MYO5B: variants seen among roughly 807,000 people sequenced by gnomAD.
The protein encoded by MYO5B is myosin VB.
In MYO5B, 143 loss-of-function variants were observed where a neutral mutation model predicts 229.3. The observed-to-expected ratio is 0.62, with a 90% CI of 0.54 to 0.72. The LOEUF (loss-of-function observed/expected upper bound fraction) is 0.72, where lower values mean the gene tolerates loss of function less well. Ranked by LOEUF, MYO5B falls within the 30% of genes least tolerant of loss-of-function variation. The pLI is 0.00. For synonymous variants in MYO5B, 918 were observed against 885.2 expected, an observed-to-expected ratio of 1.04 and a Z score of -0.66; for missense variants, 2,321 against 2,331.0, an observed-to-expected ratio of 1.00 and a Z score of 0.09.
intron 1 of MYO5B, among the ~76,000 whole-genome samples, chr18:50,112,945 T>C (rs1202681031): frequency 2.0e-5 from 3 of 152,246 alleles, no homozygotes; most frequent in African/African-American, 7.2e-5. Flanking sequence ...CACACAATCC[T>C]GTCACCCACA....
intron 22 of MYO5B, among the ~76,000 whole-genome samples, chr18:49,891,502 G>T (rs2024714603): frequency 6.6e-6 from 1 of 152,180 alleles, no homozygotes; most frequent in Non-Finnish European, 1.5e-5. Context: ...GTAGAACAGG[G>T]TCTAACACAT....
chr18:49,914,550 C>T (rs1025256717), intron 17 of MYO5B, among the ~76,000 whole-genome samples: 1 of 151,964 alleles, frequency 6.6e-6, no homozygotes, highest in African/African-American at 2.4e-5. Context: ...GAGACTGAGG[C>T]GGGTGGATCA....
In MYO5B at chr18:49,902,705, C is replaced by T. The variant is rs1298557783; in HGVS notation, c.2700G>A (p.Arg900=). The change falls in exon 21 of 40, where the codon AGG becomes AGA. Residue 900 remains arginine, a synonymous_variant. Transcript: ENST00000285039. ...CAATCCTGAGGGCCTTCAGCTCCCG[C>T]CTGGCCTTGAGCATCCGGAAGGCAC... is the stretch of plus-strand genomic sequence containing the variant. ...IQCAFRMLKA[R]RELKALRIEA... is the part of the protein sequence containing the mutation. 1 of 1,612,024 alleles carries T rather than the reference C, an allele frequency of 6.2e-7. No individual in the cohort carries two copies. The highest frequency in any genetic ancestry group is 8.5e-7 in the Non-Finnish European group (1 of 1,180,034).
chr18:49,870,351 A>G (rs542302788), intron 27 of MYO5B, among the ~76,000 whole-genome samples: 118 of 152,366 alleles, frequency 7.7e-4, no homozygotes, highest in African/African-American at 2.8e-3. Flanking sequence ...AGAAGAAAAC[A>G]TAGGGCAAAA....
At chr18:50,069,619 G>A (rs1422492093) in intron 1 of MYO5B, among the ~76,000 whole-genome samples, 1 of 152,136 alleles carries the variant, frequency 6.6e-6, no homozygotes, top group African/African-American at 2.4e-5. Flanking sequence ...GAGAGTAATT[G>A]CAGTTTTCAA....
chr18:49,954,569 A>G, intron 12 of MYO5B, 134 bp from the exon 13 acceptor site: 1 of 1,170,930 alleles, frequency 8.5e-7, no homozygotes, highest in Non-Finnish European at 1.3e-6. Flanking sequence ...CCTTAACTGG[A>G]CGGTGCAAAG....
chr18:50,091,185 T>C (rs1168078825), intron 1 of MYO5B, among the ~76,000 whole-genome samples: 2 of 152,030 alleles, frequency 1.3e-5, no homozygotes, highest in Non-Finnish European at 2.9e-5. Context: ...TAAAACAAAG[T>C]CCTCTACTAT....
At chr18:50,153,749 C>T (rs1162988303) in intron 1 of MYO5B, among the ~76,000 whole-genome samples, 1 of 152,178 alleles carries the variant, frequency 6.6e-6, no homozygotes, top group East Asian at 1.9e-4. Context: ...TGTGCCCGGC[C>T]TCACTTTCTT....
In MYO5B at chr18:49,864,481, T is replaced by G. The variant is rs552575369; in HGVS notation, c.3604-101A>C. 921 of 1,525,938 alleles carry G rather than the reference T, an allele frequency of 6.0e-4. 1 individual carries two copies. Among genetic ancestry groups the G allele is most frequent in the Non-Finnish European group, 7.4e-4 (834 of 1,124,860 alleles). 94.5% of individuals were successfully genotyped at this position (1,525,938 alleles called of 1,614,324 possible). Reference sequence around the variant, plus strand: ...CCCTTCTTTTGTCCACTGGGAAACTTCGCTCTTTAAACGTTGACACACATG... The same window carrying G: ...CCCTTCTTTTGTCCACTGGGAAACTGCGCTCTTTAAACGTTGACACACATG... On this transcript the variant is annotated intron_variant, in intron 27 of 39. Coordinates refer to ENST00000285039, the MANE Select transcript of MYO5B (RefSeq NM_001080467.3).
chr18:49,886,356 A>G (rs1411502825), intron 22 of MYO5B, among the ~76,000 whole-genome samples: 2 of 152,178 alleles, frequency 1.3e-5, no homozygotes, highest in Non-Finnish European at 2.9e-5. Flanking sequence ...ATGGGCTTCC[A>G]TGAGTTACAA....
rs747798528 is a variant in MYO5B at position 49,864,318 on chromosome 18, G to A, written c.3666C>T (p.Ala1222=). The A allele has an allele frequency of 3.1e-6, 5 of 1,614,110 alleles. No homozygotes were observed. The highest frequency in any genetic ancestry group is 1.6e-4 in the Middle Eastern group (1 of 6,062). The change falls in exon 28 of 40, where the codon GCC becomes GCT. Residue 1222 remains alanine (A), a synonymous_variant. Transcript: ENST00000285039. ...TATTCTGCGTGGCTTGGTCGGCCACGGCTTTCCTCAGCTCATTCAGGTCAT... is the reference window on the plus strand; with the variant it reads ...TATTCTGCGTGGCTTGGTCGGCCACAGCTTTCCTCAGCTCATTCAGGTCAT... ...LKNDLNELRK[A]VADQATQNNS...
chr18:50,151,960 TG>T (rs2032605791), intron 1 of MYO5B, among the ~76,000 whole-genome samples: 1 of 152,148 alleles, frequency 6.6e-6, no homozygotes, highest in Non-Finnish European at 1.5e-5. Flanking sequence ...GCCTACATCC[TG>T]GGGGAACATC....
chr18:49,861,745 C>T (rs1009688472), intron 29 of MYO5B, among the ~76,000 whole-genome samples: 2 of 152,136 alleles, frequency 1.3e-5, no homozygotes, highest in African/African-American at 2.4e-5. Flanking sequence ...GCTGTTCCAC[C>T]CCCCCGGGCC....
Position 49,980,557 on chromosome 18 carries a change from G to GA in MYO5B, c.947-5dup, listed in dbSNP as rs760299289. On this transcript the variant is annotated splice_region_variant and splice_polypyrimidine_tract_variant and intron_variant, in intron 8 of 39. Transcript: ENST00000285039. ...ATCTGATGGGACTCTTTCACTCCTG[G>GA]AAAAGAAAAATGAATGGATGACACT... 7 of 1,592,108 alleles carry GA rather than the reference G, an allele frequency of 4.4e-6. No homozygotes were observed. Among genetic ancestry groups the GA allele is most frequent in the Non-Finnish European group, 6.0e-6 (7 of 1,160,158 alleles).
chr18:50,144,851 C>G (rs373742215), intron 1 of MYO5B, among the ~76,000 whole-genome samples: 76 of 152,240 alleles, frequency 5.0e-4, no homozygotes, highest in African/African-American at 1.8e-3. Flanking sequence ...TGAAGACCAC[C>G]CCTCCCCCAG....
chr18:50,122,508 G>T (rs1313428730), intron 1 of MYO5B, among the ~76,000 whole-genome samples: 1 of 141,068 alleles, frequency 7.1e-6, no homozygotes, highest in East Asian at 2.2e-4. Context: ...CTACTTGGGA[G>T]ACTGAGGCAG....
chr18:49,980,504 G>A lies in MYO5B; in HGVS notation c.996C>T (p.Ile332=), dbSNP rs16951352. 29 of 1,613,890 alleles carry A rather than the reference G, an allele frequency of 1.8e-5. No individual in the cohort carries two copies. The Admixed American group carries it at 2.0e-4, about 11-fold the overall frequency. Residue 332 remains isoleucine, a synonymous_variant, in exon 9 of 40, where the codon ATC becomes ATT. Transcript: ENST00000285039. ...QMSIFKIIAS[I]LHLGSVAIQA... The stretch of plus-strand genomic sequence containing the variant: ...GAATCGCCACACTTCCAAGGTGCAA[G>A]ATAGAAGCAATTATCTTAAAAATGC...
At chr18:50,051,683 G>A (rs185858348) in intron 2 of MYO5B, among the ~76,000 whole-genome samples, 2 of 152,218 alleles carry the variant, frequency 1.3e-5, no homozygotes, top group East Asian at 3.9e-4. Context: ...GGGAGAAAAA[G>A]GTATAAGATG....
At chr18:49,937,451 G>A in intron 14 of MYO5B, 54 bp from the exon 15 acceptor site, 1 of 1,591,404 alleles carries the variant, frequency 6.3e-7, no homozygotes, top group Admixed American at 1.7e-5. Context: ...CACCTTACAT[G>A]TTTCCTCTCA....
Sources: gnomAD v4.1 joint callset for allele counts (sites outside exome capture counted in the v4.1 genomes callset) on GRCh38, gnomAD v4.1.1 for gene constraint, MANE v1.5 for transcripts, NCBI Gene and HGNC (gene_info 2026-07-23, HGNC 2026-07-21) for gene names.